The following OXCT1 variants were observed in gnomAD, a reference collection of about 807,000 sequenced individuals.
OXCT1 encodes succinyl-CoA:3-ketoacid coenzyme A transferase 1, mitochondrial.
A neutral mutation model predicts 69.6 loss-of-function variants in OXCT1; 27 were observed. The ratio of observed to expected loss-of-function variants is 0.39; its 90% confidence interval spans 0.29 to 0.54. The LOEUF is 0.54. Among genes scored for constraint, OXCT1 ranks in the 20% least tolerant of loss-of-function variants. The probability of loss-of-function intolerance (pLI) is 0.72; values close to 1 mark genes in which losing one functional copy is unlikely to be tolerated. For missense variants in OXCT1, 437 were observed against 650.2 expected (o/e 0.67, Z 3.57); for synonymous variants, 202 against 217.8 (o/e 0.93, Z 0.64).
chr5:41,743,314 T>C (rs1743282849), intron 15 of OXCT1, among the ~76,000 whole-genome samples: 1 of 152,208 alleles, frequency 6.6e-6, no homozygotes, highest in Non-Finnish European at 1.5e-5. Flanking sequence ...TTACCCACTT[T>C]TTGATGGGGT....
Position 41,769,824 on chromosome 5 carries a change from G to A in OXCT1, c.1249-7624C>T, listed in dbSNP as rs140580501. ...GAGTCTTGCTGTGTTGCCCAGGTTG[G>A]GGTACAGTGGCAGGATCTCCGCCTC... On this transcript the variant is annotated intron_variant, in intron 13 of 16. Transcript: ENST00000196371. Among the ~76,000 whole-genome samples the A allele has an allele frequency of 7.0e-3, 1,058 of 152,180 alleles. 10 individuals are homozygous for A. The highest frequency in any genetic ancestry group is 0.024 in the African/African-American group (1,006 of 41,536).
intron 16 of OXCT1, 30 bp downstream of exon 16, chr5:41,739,360 G>T: frequency 7.5e-7 from 1 of 1,329,360 alleles, no homozygotes; most frequent in Non-Finnish European, 1.1e-6. Context: ...TATAAGACAA[G>T]TGTCTGGATT....
intron 13 of OXCT1, among the ~76,000 whole-genome samples, chr5:41,790,661 A>G (rs1040667601): frequency 6.6e-6 from 1 of 152,234 alleles, no homozygotes; most frequent in African/African-American, 2.4e-5. Flanking sequence ...GAAAAAGATA[A>G]AAGTAAATGA....
intron 14 of OXCT1, among the ~76,000 whole-genome samples, chr5:41,757,503 T>C (rs1054734286): frequency 1.3e-5 from 2 of 152,084 alleles, no homozygotes; most frequent in African/African-American, 4.8e-5. Context: ...AAGGACCATA[T>C]CTTTTTTCAT....
chr5:41,752,903 C>T (rs998500454), intron 14 of OXCT1, among the ~76,000 whole-genome samples: 1 of 152,068 alleles, frequency 6.6e-6, no homozygotes. Context: ...TCAGCGCTTA[C>T]AGGACTTGAG....
intron 13 of OXCT1, among the ~76,000 whole-genome samples, chr5:41,785,601 G>A (rs1343371362): frequency 6.6e-6 from 1 of 152,136 alleles, no homozygotes; most frequent in Non-Finnish European, 1.5e-5. Flanking sequence ...GAGCAAAAGT[G>A]GTTGGTAACC....
chr5:41,778,589 T>C (rs1339546991), intron 13 of OXCT1, among the ~76,000 whole-genome samples: 2 of 152,228 alleles, frequency 1.3e-5, no homozygotes, highest in Admixed American at 6.5e-5. Context: ...CTGCTCTATC[T>C]GGACCTTAAC....
intron 1 of OXCT1, among the ~76,000 whole-genome samples, chr5:41,868,688 A>C (rs1750124206): frequency 6.6e-6 from 1 of 150,830 alleles, no homozygotes; most frequent in Non-Finnish European, 1.5e-5. Flanking sequence ...CCGCCACTGC[A>C]CTCCAGCCTG....
intron 13 of OXCT1, among the ~76,000 whole-genome samples, chr5:41,772,187 C>A (rs1162173685): frequency 6.6e-6 from 1 of 151,918 alleles, no homozygotes; most frequent in African/African-American, 2.4e-5. Flanking sequence ...TTTTCTGATT[C>A]CTCAAAGAGG....
intron 4 of OXCT1, among the ~76,000 whole-genome samples, 174 bp downstream of exon 4, chr5:41,853,245 G>A (rs904032145): frequency 7.9e-5 from 12 of 152,084 alleles, no homozygotes; most frequent in African/African-American, 2.7e-4. Flanking sequence ...GTACACAGTA[G>A]AAGAAAATAT....
At chr5:41,777,494 G>T (rs1490967592) in intron 13 of OXCT1, among the ~76,000 whole-genome samples, 1 of 152,128 alleles carries the variant, frequency 6.6e-6, no homozygotes, top group Non-Finnish European at 1.5e-5. Flanking sequence ...ACTGGCTGAA[G>T]TCTTTTCCCC....
At chr5:41,817,598 C>T (rs541358278) in intron 7 of OXCT1, among the ~76,000 whole-genome samples, 1 of 152,342 alleles carries the variant, frequency 6.6e-6, no homozygotes, top group African/African-American at 2.4e-5. Flanking sequence ...AGCATATCTT[C>T]AATACCCCTC....
intron 13 of OXCT1, among the ~76,000 whole-genome samples, chr5:41,776,968 T>C (rs1745153655): frequency 6.6e-6 from 1 of 152,260 alleles, no homozygotes; most frequent in African/African-American, 2.4e-5. Context: ...ACCTCTGTTC[T>C]ATGACAAATG....
chr5:41,814,880 A>AAAAT (rs922593367), intron 7 of OXCT1, among the ~76,000 whole-genome samples: 4 of 152,064 alleles, frequency 2.6e-5, no homozygotes, highest in Non-Finnish European at 5.9e-5. Context: ...TATAATAATA[A>AAAAT]AAATAAATAA....
chr5:41,759,586 C>T, intron 14 of OXCT1, among the ~76,000 whole-genome samples: 1 of 152,036 alleles, frequency 6.6e-6, no homozygotes, highest in East Asian at 1.9e-4. Flanking sequence ...CAGAGCAGCA[C>T]CCGTAGGTAG....
intron 2 of OXCT1, 128 bp from the exon 3 acceptor site, chr5:41,861,532 AC>A: frequency 1.4e-6 from 1 of 729,512 alleles, no homozygotes; most frequent in South Asian, 1.4e-5. Flanking sequence ...AGCAAAATAC[AC>A]AGATATATCT....
intron 13 of OXCT1, among the ~76,000 whole-genome samples, chr5:41,773,629 G>C (rs57944767): frequency 9.2e-4 from 57 of 62,198 alleles, no homozygotes; most frequent in South Asian, 1.4e-3. Flanking sequence ...CCACCCCTCT[G>C]CCAAAAAAAA....
At chr5:41,849,345 G>C (rs1050862925) in intron 5 of OXCT1, among the ~76,000 whole-genome samples, 4 of 152,124 alleles carry the variant, frequency 2.6e-5, no homozygotes, top group African/African-American at 9.7e-5. Context: ...ATTTGGACAG[G>C]AAAATGGAAA....
chr5:41,800,937 G>A, intron 11 of OXCT1, 85 bp downstream of exon 11: 3 of 1,196,930 alleles, frequency 2.5e-6, no homozygotes, highest in Non-Finnish European at 3.7e-6. Context: ...TGCTCTCCAG[G>A]AAAAGACAAA....
Sources: gnomAD v4.1 joint callset for allele counts (sites outside exome capture counted in the v4.1 genomes callset) on GRCh38, gnomAD v4.1.1 for gene constraint, MANE v1.5 for transcripts, NCBI Gene and HGNC (gene_info 2026-07-23, HGNC 2026-07-21) for gene names.